MTDH: variants seen among roughly 807,000 people sequenced by gnomAD.
The protein encoded by MTDH is metadherin, also known as protein LYRIC.
A neutral mutation model predicts 72.7 loss-of-function variants in MTDH; 34 were observed. That is an observed-to-expected ratio of 0.47 (90% CI 0.36 to 0.62). The LOEUF is 0.62. Ranked by LOEUF, MTDH falls within the 20% of genes least tolerant of loss-of-function variation. The pLI is 0.00. For synonymous variants in MTDH, 266 were observed against 268.9 expected (o/e 0.99, Z 0.10); for missense variants, 677 against 699.4 (o/e 0.97, Z 0.36).
At chr8:97,672,844 G>A (rs1812683389) in intron 2 of MTDH, among the ~76,000 whole-genome samples, 1 of 152,204 alleles carries the variant, frequency 6.6e-6, no homozygotes, top group Non-Finnish European at 1.5e-5. Context: ...GAGGTTTCTT[G>A]TAAATGTCTT....
At position 97,666,384 on chromosome 8, in the gene MTDH, A is replaced by G. The variant is rs147441405; in HGVS notation, c.483+5211A>G. Reference sequence around the variant, plus strand: ...AATCCTGATGAACAACTCTGAGGACATTATCATTTCTTTTACATAGCTCAA... The same window carrying G: ...AATCCTGATGAACAACTCTGAGGACGTTATCATTTCTTTTACATAGCTCAA... On this transcript the variant is annotated intron_variant, in intron 2 of 11. Transcript: ENST00000336273. 2.8e-3 allele frequency among the ~76,000 whole-genome samples: 422 copies of G among 152,310 alleles called. 2 individuals carry two copies. Among genetic ancestry groups the G allele is most frequent in the African/African-American group, 9.6e-3 (399 of 41,572 alleles).
Position 97,687,646 on chromosome 8 carries a change from ACTC to A in MTDH, c.745+44_745+46del, listed in dbSNP as rs747463304. On this transcript the variant is annotated intron_variant, in intron 4 of 11. Coordinates refer to ENST00000336273, the MANE Select transcript of MTDH (RefSeq NM_178812.4). ...ATAAGACAGTGGTACATCAAATCAA[ACTC>A]CTTTTATTCGGATGTACAAAATATC... 8 of 1,456,674 alleles carry A rather than the reference ACTC, an allele frequency of 5.5e-6. No homozygotes were observed. In the African/African-American group the frequency reaches 1.0e-4, roughly 18 times the overall value. 90.2% of individuals were successfully genotyped at this position (1,456,674 alleles called of 1,614,324 possible).
rs553997254 is a variant in MTDH at position 97,724,130 on chromosome 8, T to G, written c.1679-470T>G. Among the ~76,000 whole-genome samples, 280 of 152,262 alleles carry G rather than the reference T, an allele frequency of 1.8e-3. 2 individuals are homozygous for G. Among genetic ancestry groups the G allele is most frequent in the Non-Finnish European group, 1.7e-3 (119 of 68,016 alleles). On this transcript the variant is annotated intron_variant, in intron 11 of 11. Coordinates refer to ENST00000336273, the MANE Select transcript of MTDH (RefSeq NM_178812.4). ...TAAATAAATGATCAATCTATCTATC[T>G]ATCTCTGAAGGAGAGAATACATTGC...
chr8:97,666,987 G>A (rs913846323), intron 2 of MTDH, among the ~76,000 whole-genome samples: 3 of 151,446 alleles, frequency 2.0e-5, no homozygotes, highest in African/African-American at 7.3e-5. Flanking sequence ...GAGATCCACC[G>A]TACCCTGCCA....
At position 97,687,574 on chromosome 8, in the gene MTDH, A is replaced by C; in HGVS notation, c.714A>C (p.Ala238=). The C allele has an allele frequency of 6.2e-7, 1 of 1,610,418 alleles. No individual in the cohort carries two copies. Among genetic ancestry groups the C allele is most frequent in the Non-Finnish European group, 8.5e-7 (1 of 1,178,592 alleles). ...ITVTTEQLTT[A]SFPVGSKKNK... The stretch of plus-strand genomic sequence containing the variant: ...TTACCACCGAGCAACTTACAACCGC[A>C]TCATTTCCTGTTGGTTCCAAGAAGA... The change falls in exon 4 of 12, where the codon GCA becomes GCC. Residue 238 remains alanine (A), a synonymous_variant. Coordinates refer to ENST00000336273, the MANE Select transcript of MTDH (RefSeq NM_178812.4).
chr8:97,723,268 G>T (rs554905248), intron 11 of MTDH, among the ~76,000 whole-genome samples: 1 of 151,366 alleles, frequency 6.6e-6, no homozygotes, highest in South Asian at 2.1e-4. Flanking sequence ...TGTGGCGGCG[G>T]GTGCCTGTAG....
At position 97,699,757 on chromosome 8, in the gene MTDH, C is replaced by A; in HGVS notation, c.1052C>A (p.Ser351Tyr). 6.2e-7 allele frequency: 1 copy of A among 1,602,614 alleles called. No individual in the cohort carries two copies. The highest frequency in any genetic ancestry group is 1.1e-5 in the South Asian group (1 of 90,748). Residue 351 changes from serine to tyrosine, a missense_variant, in exon 7 of 12, where the codon TCT (serine) becomes TAT (tyrosine). Physicochemically the swap from Ser to Tyr is moderately radical, Grantham distance 144. Transcript: ENST00000336273. ...SDRSIFSGIG[S>Y]TAEPVSQSTT... ...TTGCATTCGTTTTTCATTTAAGGGT[C>A]TACTGCTGAGCCAGTTTCTCAGTCT... is the stretch of plus-strand genomic sequence containing the variant.
chr8:97,729,122 T>C lies in MTDH; in HGVS notation c.*4452T>C, dbSNP rs1030128555. Reference sequence around the variant, plus strand: ...TTTTTTTTTGGTAGAGATGAGGTCATTGCTATGTTGCCCAGGCTGGCCTTG... The same window carrying C: ...TTTTTTTTTGGTAGAGATGAGGTCACTGCTATGTTGCCCAGGCTGGCCTTG... On this transcript the variant is annotated 3_prime_UTR_variant, in exon 12 of 12. Transcript: ENST00000336273. Among the ~76,000 whole-genome samples the C allele has an allele frequency of 1.3e-5, 2 of 151,194 alleles. No individual in the cohort carries two copies. Among genetic ancestry groups the C allele is most frequent in the South Asian group, 2.1e-4 (1 of 4,748 alleles).
chr8:97,666,508 C>G (rs1208362131), intron 2 of MTDH, among the ~76,000 whole-genome samples: 12 of 152,164 alleles, frequency 7.9e-5, no homozygotes, highest in Non-Finnish European at 1.6e-4. Flanking sequence ...CAGTGAACCC[C>G]TAGGAAGGGA....
At chr8:97,716,403 AAGTT>A (rs1310062436) in intron 9 of MTDH, among the ~76,000 whole-genome samples, 4 of 139,712 alleles carry the variant, frequency 2.9e-5, no homozygotes, top group Admixed American at 1.5e-4. Flanking sequence ...AAGAAAAAAA[AAGTT>A]AGGCCGGGTG....
chr8:97,644,259 T>C lies in MTDH; in HGVS notation c.-248T>C, dbSNP rs1811464270. 1 of 527,602 alleles carries C rather than the reference T, an allele frequency of 1.9e-6. No homozygotes were observed. Among genetic ancestry groups the C allele is most frequent in the African/African-American group, 2.0e-5 (1 of 49,110 alleles). The allele number at this position is 527,602 out of a possible 1,614,324, so 32.7% of individuals were successfully genotyped here. A position where few individuals can be genotyped will look rare whatever the true frequency, so the allele number is the denominator to read the frequency against. On this transcript the variant is annotated 5_prime_UTR_variant, in exon 1 of 12. Transcript: ENST00000336273. ...CGAGACGCCGCTTAGCGGCCGCCAC[T>C]GGAGACACTCCCTCCCGCCTCCCGG...
At chr8:97,712,794 C>T (rs567344457) in intron 8 of MTDH, among the ~76,000 whole-genome samples, 1 of 152,182 alleles carries the variant, frequency 6.6e-6, no homozygotes, top group East Asian at 1.9e-4. Flanking sequence ...TGAGCTTTTT[C>T]CCATGGTTTC....
At chr8:97,674,834 AG>A (rs2130966325) in intron 2 of MTDH, among the ~76,000 whole-genome samples, 1 of 152,060 alleles carries the variant, frequency 6.6e-6, no homozygotes, top group Admixed American at 6.5e-5. Flanking sequence ...TTCTTGAGAC[AG>A]AGTCTTGCTC....
intron 8 of MTDH, among the ~76,000 whole-genome samples, chr8:97,713,393 T>C (rs1326284059): frequency 2.6e-5 from 4 of 151,880 alleles, no homozygotes; most frequent in African/African-American, 7.3e-5. Context: ...CCTCAGTGAG[T>C]TTTTAAAACA....
At position 97,678,594 on chromosome 8, in the gene MTDH, C is replaced by CTTTTTTTTTTT. The variant is rs35895126; in HGVS notation, c.484-8060_484-8050dup. Among the ~76,000 whole-genome samples, 123 of 85,318 alleles carry CTTTTTTTTTTT rather than the reference C, an allele frequency of 1.4e-3. 5 individuals carry two copies. Among genetic ancestry groups the CTTTTTTTTTTT allele is most frequent in the South Asian group, 4.1e-3 (8 of 1,968 alleles). 56.0% of individuals were successfully genotyped at this position (85,318 alleles called of 152,430 possible). A position where few individuals can be genotyped will look rare whatever the true frequency, so the allele number is the denominator to read the frequency against. ...GTTTCCTTTGCTTCCTTCCTTCCTT[C>CTTTTTTTTTTT]TTTTTTTTTTTTTTTTTTTTTTTTG... On this transcript the variant is annotated intron_variant, in intron 2 of 11. Coordinates refer to ENST00000336273, the MANE Select transcript of MTDH (RefSeq NM_178812.4).
chr8:97,663,748 CAAAA>C (rs36101443), intron 2 of MTDH, among the ~76,000 whole-genome samples: 29 of 85,986 alleles, frequency 3.4e-4, no homozygotes, highest in South Asian at 7.6e-4. Context: ...GACTCTGTCT[CAAAA>C]AAAAAAAAAA....
At chr8:97,662,871 A>T (rs1252597868) in intron 2 of MTDH, among the ~76,000 whole-genome samples, 3 of 151,466 alleles carry the variant, frequency 2.0e-5, no homozygotes, top group East Asian at 1.9e-4. Context: ...AGAAGTGGCT[A>T]AGTCACTTCT....
intron 2 of MTDH, among the ~76,000 whole-genome samples, chr8:97,680,040 T>C (rs531000808): frequency 6.6e-6 from 1 of 152,266 alleles, no homozygotes; most frequent in Non-Finnish European, 1.5e-5. Context: ...GTGGATCTAA[T>C]GATTATTTAT....
intron 1 of MTDH, among the ~76,000 whole-genome samples, chr8:97,652,027 A>G (rs1164246971): frequency 6.6e-6 from 1 of 152,090 alleles, no homozygotes; most frequent in Non-Finnish European, 1.5e-5. Flanking sequence ...TTTATCTCCA[A>G]AATATATATT....
Sources: gnomAD v4.1 joint callset for allele counts (sites outside exome capture counted in the v4.1 genomes callset) on GRCh38, gnomAD v4.1.1 for gene constraint, MANE v1.5 for transcripts, NCBI Gene and HGNC (gene_info 2026-07-23, HGNC 2026-07-21) for gene names.